The following PIGF variants were observed in gnomAD, a reference collection of about 807,000 sequenced individuals.
The protein encoded by PIGF is GPI ethanolamine phosphate transferase, stabilizing subunit.
Under a neutral mutation model 26.0 loss-of-function variants are expected in PIGF, and 23 were observed. The ratio of observed to expected loss-of-function variants is 0.88; its 90% CI spans 0.64 to 1.25. The LOEUF (loss-of-function observed/expected upper bound fraction) is 1.25. Among genes scored for constraint, PIGF ranks in the 50% most tolerant of loss-of-function variants. The probability of loss-of-function intolerance (pLI) is 0.00; values close to 1 mark genes in which losing one functional copy is unlikely to be tolerated. For missense variants in PIGF, 278 were observed against 249.9 expected, an observed-to-expected ratio of 1.11 and a Z score of -0.76; for synonymous variants, 93 against 92.6, an observed-to-expected ratio of 1.00 and a Z score of -0.03.
At chr2:46,613,057 T>TATATAC (rs1170377434) in intron 3 of PIGF, among the ~76,000 whole-genome samples, 1 of 151,106 alleles carries the variant, frequency 6.6e-6, no homozygotes, top group African/African-American at 2.4e-5. Context: ...TATATATATA[T>TATATAC]ATAAAATGGT....
chr2:46,606,732 A>T (rs1449011481), intron 4 of PIGF, among the ~76,000 whole-genome samples: 2 of 152,206 alleles, frequency 1.3e-5, no homozygotes, highest in Non-Finnish European at 2.9e-5. Context: ...GTGACCCAGC[A>T]ATCCCGCTCC....
At chr2:46,596,737 T>C (rs1669899820) in intron 4 of PIGF, among the ~76,000 whole-genome samples, 1 of 152,054 alleles carries the variant, frequency 6.6e-6, no homozygotes, top group South Asian at 2.1e-4. Flanking sequence ...AGGGAGAAGA[T>C]TTAGCACCTT....
intron 4 of PIGF, 31 bp from the exon 5 acceptor site, chr2:46,592,614 G>T: frequency 9.2e-7 from 1 of 1,083,114 alleles, no homozygotes; most frequent in Non-Finnish European, 1.4e-6. Context: ...CATCGTTGGT[G>T]GTATATACAT....
At chr2:46,607,546 C>A (rs1670263861) in intron 4 of PIGF, among the ~76,000 whole-genome samples, 1 of 152,144 alleles carries the variant, frequency 6.6e-6, no homozygotes, top group South Asian at 2.1e-4. Context: ...TTTAAATGCA[C>A]ATGATTTAAA....
At chr2:46,597,419 G>GT (rs533306523) in intron 4 of PIGF, among the ~76,000 whole-genome samples, 9,173 of 144,724 alleles carry the variant, frequency 0.063, 357 homozygotes, top group Non-Finnish European at 0.097. Flanking sequence ...GTTTTTTGTT[G>GT]TTTTTTTTTT....
intron 5 of PIGF, among the ~76,000 whole-genome samples, chr2:46,586,938 G>T (rs560596010): frequency 2.0e-5 from 3 of 152,360 alleles, no homozygotes; most frequent in South Asian, 4.1e-4. Context: ...GCGAAGGGGT[G>T]TGTAGTTCCT....
rs528159996 is a variant in PIGF, at chr2:46,617,032, G to A, written c.-84C>T. The A allele has an allele frequency of 5.4e-5, 32 of 588,942 alleles. No individual in the cohort carries two copies. The highest frequency in any genetic ancestry group is 8.8e-5 in the East Asian group (3 of 34,094). 36.5% of individuals were successfully genotyped at this position (588,942 alleles called of 1,614,324 possible). On this transcript the variant is annotated 5_prime_UTR_variant, in exon 1 of 6. Transcript: ENST00000281382. Reference sequence around the variant, plus strand: ...CTGCCTCCTACCATCAGGTACGACGGGCGGCCCAGGCCCACGCGCAGGCGC... The same window carrying A: ...CTGCCTCCTACCATCAGGTACGACGAGCGGCCCAGGCCCACGCGCAGGCGC...
chr2:46,606,614 A>C (rs115160526), intron 4 of PIGF, among the ~76,000 whole-genome samples: 2,285 of 152,294 alleles, frequency 0.015, 28 homozygotes, highest in Middle Eastern at 0.044. Flanking sequence ...CAAGAAGTAG[A>C]ATTGCTGGGT....
At chr2:46,595,404 G>C (rs934488663) in intron 4 of PIGF, among the ~76,000 whole-genome samples, 1 of 152,110 alleles carries the variant, frequency 6.6e-6, no homozygotes, top group Non-Finnish European at 1.5e-5. Flanking sequence ...TGTTTTCAAG[G>C]TTCATCCATG....
chr2:46,587,683 T>C (rs1259234791), intron 5 of PIGF, among the ~76,000 whole-genome samples: 1 of 152,188 alleles, frequency 6.6e-6, no homozygotes, highest in Non-Finnish European at 1.5e-5. Flanking sequence ...TTTTTAAAGA[T>C]TGTAGCACTG....
At chr2:46,593,078 C>T (rs1002882141) in intron 4 of PIGF, among the ~76,000 whole-genome samples, 3 of 151,676 alleles carry the variant, frequency 2.0e-5, no homozygotes, top group Middle Eastern at 6.8e-3. Flanking sequence ...TCCTTGTTAA[C>T]AGCTGTAACA....
intron 5 of PIGF, among the ~76,000 whole-genome samples, chr2:46,585,642 CACAA>C (rs771606089): frequency 5.3e-5 from 8 of 152,182 alleles, no homozygotes; most frequent in Non-Finnish European, 1.2e-4. Flanking sequence ...ATTAAACTTA[CACAA>C]ACAGTATTTC....
chr2:46,595,995 A>G (rs1054097982), intron 4 of PIGF, among the ~76,000 whole-genome samples: 6 of 152,090 alleles, frequency 3.9e-5, no homozygotes, highest in Non-Finnish European at 7.4e-5. Flanking sequence ...CGGGCGGATC[A>G]CAAGGTCAGG....
At chr2:46,609,035 C>CTG (rs1670313575) in intron 4 of PIGF, among the ~76,000 whole-genome samples, 1 of 152,256 alleles carries the variant, frequency 6.6e-6, no homozygotes, top group Non-Finnish European at 1.5e-5. Context: ...CTTCTCCTCT[C>CTG]TAACTTTAAA....
intron 4 of PIGF, 67 bp from the exon 5 acceptor site, chr2:46,592,650 C>G: frequency 1.3e-6 from 1 of 779,456 alleles, no homozygotes; most frequent in South Asian, 1.4e-5. Context: ...CCAACAAGCA[C>G]TAGCACACAT....
chr2:46,590,351 A>G (rs1669689464), intron 5 of PIGF, among the ~76,000 whole-genome samples: 1 of 152,134 alleles, frequency 6.6e-6, no homozygotes, highest in African/African-American at 2.4e-5. Flanking sequence ...GGGTGACTGA[A>G]CTGTAAATAA....
chr2:46,612,510 T>C (rs1424377427), intron 3 of PIGF, among the ~76,000 whole-genome samples, 166 bp from the exon 4 acceptor site: 1 of 152,182 alleles, frequency 6.6e-6, no homozygotes, highest in African/African-American at 2.4e-5. Flanking sequence ...ACCACCAACA[T>C]GTAGCTTTAA....
chr2:46,611,285 A>T (rs1343242367), intron 4 of PIGF, among the ~76,000 whole-genome samples: 1 of 152,008 alleles, frequency 6.6e-6, no homozygotes, highest in Non-Finnish European at 1.5e-5. Flanking sequence ...CGAGATCAAG[A>T]CCATCCTGGC....
chr2:46,581,103 A>C lies in PIGF; in HGVS notation c.*375T>G, dbSNP rs1558695795. 2.1e-5 allele frequency: 31 copies of C among 1,467,580 alleles called. No individual in the cohort carries two copies. Among genetic ancestry groups the C allele is most frequent in the Non-Finnish European group, 2.7e-5 (30 of 1,095,898 alleles). The allele number at this position is 1,467,580 out of a possible 1,614,324, so 90.9% of individuals were successfully genotyped here. On this transcript the variant is annotated 3_prime_UTR_variant, in exon 6 of 6. Transcript: ENST00000281382. Reference sequence around the variant, plus strand: ...ACGTGAGAAACATCTTCAGTGGCCAAGGAAACTGTCCATTTCTCTCAGAAA... The same window carrying C: ...ACGTGAGAAACATCTTCAGTGGCCACGGAAACTGTCCATTTCTCTCAGAAA...
Sources: gnomAD v4.1 joint callset for allele counts (sites outside exome capture counted in the v4.1 genomes callset) on GRCh38, gnomAD v4.1.1 for gene constraint, MANE v1.5 for transcripts, NCBI Gene and HGNC (gene_info 2026-07-23, HGNC 2026-07-21) for gene names.